Variants in VAPB observed in about 807,000 individuals in gnomAD.
The protein encoded by VAPB is VAMP associated protein B and C.
Under a neutral mutation model 25.6 loss-of-function variants are expected in VAPB, and 7 were observed. That is an observed-to-expected ratio of 0.27 (90% confidence interval 0.16 to 0.51). VAPB has a LOEUF of 0.51. VAPB is among the 20% of genes least tolerant of loss of function. VAPB has a pLI of 0.97. For synonymous variants in VAPB, 112 were observed against 109.2 expected (o/e 1.03, Z -0.16); for missense variants, 266 against 301.3 (o/e 0.88, Z 0.87).
In VAPB at chr20:58,445,666, G is replaced by C; in HGVS notation, c.*1431G>C. On this transcript the variant is annotated 3_prime_UTR_variant, in exon 6 of 6. Transcript: ENST00000475243. The stretch of plus-strand genomic sequence containing the variant: ...AATGAGCCCTATCACTGAGAAATAC[G>C]TGTTTCATGATTTAACTCTGTGTGT... 1 of 452,890 alleles carries C rather than the reference G, an allele frequency of 2.2e-6. No homozygotes were observed. The highest frequency in any genetic ancestry group is 1.6e-5 in the South Asian group (1 of 64,398). 28.1% of individuals were successfully genotyped at this position (452,890 alleles called of 1,614,324 possible).
intron 2 of VAPB, among the ~76,000 whole-genome samples, chr20:58,424,924 TC>T (rs1299932214): frequency 2.6e-5 from 4 of 152,232 alleles, no homozygotes; most frequent in Admixed American, 6.5e-5. Context: ...GACTCAGAGT[TC>T]CATCCATGGG....
intron 2 of VAPB, among the ~76,000 whole-genome samples, chr20:58,421,665 A>G (rs1002921945): frequency 1.3e-5 from 2 of 152,072 alleles, no homozygotes; most frequent in East Asian, 3.9e-4. Context: ...AAGGCTGTAA[A>G]TCATTATTTT....
chr20:58,424,748 C>T (rs1221949152), intron 2 of VAPB, among the ~76,000 whole-genome samples: 2 of 152,222 alleles, frequency 1.3e-5, no homozygotes, highest in Non-Finnish European at 2.9e-5. Context: ...AAGGAGACCT[C>T]ACTGTCAGCA....
intron 2 of VAPB, among the ~76,000 whole-genome samples, chr20:58,432,597 A>G (rs1424201987): frequency 6.6e-6 from 1 of 152,254 alleles, no homozygotes; most frequent in Non-Finnish European, 1.5e-5. Flanking sequence ...TTAATCTAAC[A>G]GTGAATCCCA....
intron 2 of VAPB, among the ~76,000 whole-genome samples, chr20:58,427,200 A>G (rs1442655202): frequency 3.3e-5 from 5 of 151,862 alleles, no homozygotes; most frequent in African/African-American, 1.2e-4. Flanking sequence ...TACCATTATG[A>G]TGCAGGCGAA....
intron 1 of VAPB, among the ~76,000 whole-genome samples, chr20:58,393,983 C>T (rs573280807): frequency 2.4e-4 from 36 of 152,334 alleles, no homozygotes; most frequent in African/African-American, 7.2e-4. Flanking sequence ...CCACCCACCT[C>T]GGCCTCCCAA....
chr20:58,434,742 A>G (rs756072269), intron 3 of VAPB, 37 bp downstream of exon 3: 4 of 1,023,252 alleles, frequency 3.9e-6, no homozygotes, highest in East Asian at 4.8e-5. Flanking sequence ...TTCAGTAACA[A>G]TAATTTAAAA....
intron 2 of VAPB, among the ~76,000 whole-genome samples, chr20:58,419,997 T>C (rs1217142396): frequency 2.6e-5 from 4 of 151,026 alleles, no homozygotes; most frequent in Non-Finnish European, 3.0e-5. Flanking sequence ...ATCTCTCTCT[T>C]TTTTTTTTGA....
rs34649242 is a variant in VAPB, at chr20:58,409,904, TACACACAC to T, written c.59-8283_59-8276del. On this transcript the variant is annotated intron_variant, in intron 1 of 5. Coordinates refer to ENST00000475243, the MANE Select transcript of VAPB (RefSeq NM_004738.5). ...GCACAACAAAGAATCTTTATTCATA[TACACACAC>T]ACACACACACACACACACACACAAT... Among the ~76,000 whole-genome samples, 220 of 148,222 alleles carry T rather than the reference TACACACAC, an allele frequency of 1.5e-3. 1 individual carries two copies. The highest frequency in any genetic ancestry group is 4.6e-3 in the African/African-American group (185 of 40,286).
Position 58,446,395 on chromosome 20 carries a change from C to G in VAPB, c.*2160C>G. The G allele has an allele frequency of 2.2e-6, 1 of 454,076 alleles. No homozygotes were observed. Among genetic ancestry groups the G allele is most frequent in the Non-Finnish European group, 4.4e-6 (1 of 226,784 alleles). 28.1% of individuals were successfully genotyped at this position (454,076 alleles called of 1,614,324 possible). ...GTGCTTAGGTGGTCCCCAACAGTGC[C>G]TAGGGGTACAGTACAGTCCCATTAC... is the stretch of plus-strand genomic sequence containing the variant. On this transcript the variant is annotated 3_prime_UTR_variant, in exon 6 of 6. Transcript: ENST00000475243.
intron 1 of VAPB, among the ~76,000 whole-genome samples, chr20:58,403,833 C>T (rs940986880): frequency 2.0e-5 from 3 of 152,290 alleles, no homozygotes; most frequent in Middle Eastern, 3.4e-3. Context: ...CTGTATTTAC[C>T]GTTTACCTTC....
Position 58,444,847 on chromosome 20 carries a change from T to A in VAPB, c.*612T>A. Reference sequence around the variant, plus strand: ...ACTGATTGACCCAGCGCTTTGGAAATAAATGGCAGTGCTTTGTTCACTTAA... The same window carrying A: ...ACTGATTGACCCAGCGCTTTGGAAAAAAATGGCAGTGCTTTGTTCACTTAA... On this transcript the variant is annotated 3_prime_UTR_variant, in exon 6 of 6. Transcript: ENST00000475243. 2.2e-6 allele frequency: 1 copy of A among 454,572 alleles called. No individual in the cohort carries two copies. Among genetic ancestry groups the A allele is most frequent in the Non-Finnish European group, 4.4e-6 (1 of 226,792 alleles). 28.2% of individuals were successfully genotyped at this position (454,572 alleles called of 1,614,324 possible). A position where few individuals can be genotyped will look rare whatever the true frequency, so the allele number is the denominator to read the frequency against.
At chr20:58,392,904 A>G (rs1987843197) in intron 1 of VAPB, among the ~76,000 whole-genome samples, 1 of 152,250 alleles carries the variant, frequency 6.6e-6, no homozygotes. Flanking sequence ...TATCAAAAGG[A>G]GAAAGCCTGG....
At chr20:58,422,245 G>A (rs553733525) in intron 2 of VAPB, among the ~76,000 whole-genome samples, 1 of 152,278 alleles carries the variant, frequency 6.6e-6, no homozygotes, top group South Asian at 2.1e-4. Context: ...TAGATAGGGG[G>A]TGCAGGGGGC....
intron 1 of VAPB, among the ~76,000 whole-genome samples, chr20:58,393,514 T>C (rs1346217656): frequency 6.6e-6 from 1 of 152,176 alleles, no homozygotes; most frequent in African/African-American, 2.4e-5. Flanking sequence ...TGAGTCACTT[T>C]CAAGGCATTA....
intron 2 of VAPB, among the ~76,000 whole-genome samples, chr20:58,422,488 C>A (rs1471195930): frequency 6.6e-6 from 1 of 152,084 alleles, no homozygotes; most frequent in Non-Finnish European, 1.5e-5. Flanking sequence ...TGGGGATCTT[C>A]CCATTTGTTC....
At chr20:58,437,673 G>A (rs1989078053) in intron 3 of VAPB, among the ~76,000 whole-genome samples, 2 of 152,206 alleles carry the variant, frequency 1.3e-5, no homozygotes, top group South Asian at 2.1e-4. Flanking sequence ...GTGTACAGGT[G>A]TGTGTGTGCA....
At chr20:58,402,474 C>T (rs1226323486) in intron 1 of VAPB, among the ~76,000 whole-genome samples, 1 of 152,096 alleles carries the variant, frequency 6.6e-6, no homozygotes, top group African/African-American at 2.4e-5. Context: ...GTATCTGTTC[C>T]TCTGGCTCCC....
chr20:58,427,445 G>A (rs560320926), intron 2 of VAPB, among the ~76,000 whole-genome samples: 26 of 149,956 alleles, frequency 1.7e-4, no homozygotes, highest in African/African-American at 6.4e-4. Flanking sequence ...AAAGTGATTC[G>A]TGATCTGTTA....
Sources: gnomAD v4.1 joint callset for allele counts (sites outside exome capture counted in the v4.1 genomes callset) on GRCh38, gnomAD v4.1.1 for gene constraint, MANE v1.5 for transcripts, NCBI Gene and HGNC (gene_info 2026-07-23, HGNC 2026-07-21) for gene names.